The following FGD6 variants were observed in gnomAD, a reference collection of about 807,000 sequenced individuals.
FGD6 encodes the protein FYVE, RhoGEF and PH domain-containing protein 6.
FGD6 carries 90 observed loss-of-function variants against 149.4 expected under a neutral mutation model. That is an observed-to-expected ratio of 0.60 (90% CI 0.51 to 0.72). FGD6 has a LOEUF of 0.72. FGD6 is among the 30% of genes least tolerant of loss of function. The probability of loss-of-function intolerance (pLI) is 0.00; values close to 1 mark genes in which losing one functional copy is unlikely to be tolerated. For missense variants in FGD6, 1,437 were observed against 1,684.8 expected (o/e 0.85, Z 2.57); for synonymous variants, 527 against 584.0 (o/e 0.90, Z 1.41).
At chr12:95,104,151 C>A (rs1878533666) in intron 14 of FGD6, among the ~76,000 whole-genome samples, 1 of 152,182 alleles carries the variant, frequency 6.6e-6, no homozygotes, top group Non-Finnish European at 1.5e-5. Context: ...GTTGCCTCTG[C>A]TCTCAGCCAC....
chr12:95,137,416 ACTTTTT>A, intron 7 of FGD6, 100 bp downstream of exon 7: 2 of 1,023,976 alleles, frequency 2.0e-6, no homozygotes, highest in South Asian at 5.5e-5. Context: ...TTACTTTTTA[ACTTTTT>A]CTTTGTTTGC....
chr12:95,172,809 C>G, intron 2 of FGD6, 65 bp from the exon 3 acceptor site: 5 of 1,305,022 alleles, frequency 3.8e-6, no homozygotes, highest in Non-Finnish European at 5.2e-6. Flanking sequence ...AAAACAAAAA[C>G]CAAATCAACA....
intron 14 of FGD6, among the ~76,000 whole-genome samples, chr12:95,096,638 A>G (rs540943768): frequency 6.6e-6 from 1 of 152,282 alleles, no homozygotes; most frequent in Non-Finnish European, 1.5e-5. Context: ...TGGAATACAC[A>G]TTGGATCTTA....
chr12:95,086,536 C>CTTTTTTTTTTTTTTTTTT (rs1010739533), intron 18 of FGD6, among the ~76,000 whole-genome samples: 16 of 105,732 alleles, frequency 1.5e-4, no homozygotes, highest in Non-Finnish European at 2.8e-4. Flanking sequence ...TTTTTTTTTT[C>CTTTTTTTTTTTTTTTTTT]TTTTTTTTTT....
chr12:95,194,903 C>T (rs975487790), intron 2 of FGD6, among the ~76,000 whole-genome samples: 3 of 152,086 alleles, frequency 2.0e-5, no homozygotes, highest in Non-Finnish European at 2.9e-5. Flanking sequence ...ACAGTTATAT[C>T]GATAAACATT....
chr12:95,125,261 A>T (rs1432573955), intron 8 of FGD6, among the ~76,000 whole-genome samples: 1 of 152,160 alleles, frequency 6.6e-6, no homozygotes, highest in Non-Finnish European at 1.5e-5. Flanking sequence ...GCTACCCTTG[A>T]TCTTAGCCAA....
chr12:95,114,535 CA>C (rs1196338300), intron 8 of FGD6, among the ~76,000 whole-genome samples: 26 of 135,698 alleles, frequency 1.9e-4, no homozygotes, highest in Non-Finnish European at 2.1e-4. Flanking sequence ...AGCCCTGCAA[CA>C]AAAAAAAAAA....
intron 9 of FGD6, among the ~76,000 whole-genome samples, chr12:95,111,361 T>G (rs1878817803): frequency 6.6e-6 from 1 of 152,232 alleles, no homozygotes; most frequent in Admixed American, 6.5e-5. Flanking sequence ...ATGTCTTTGC[T>G]GTCACATGTA....
At chr12:95,173,690 G>T (rs906207531) in intron 2 of FGD6, among the ~76,000 whole-genome samples, 3 of 152,030 alleles carry the variant, frequency 2.0e-5, no homozygotes, top group Admixed American at 1.3e-4. Flanking sequence ...CTTTTCTGTC[G>T]TAAGTCTACA....
intron 3 of FGD6, 36 bp downstream of exon 3, chr12:95,172,564 G>A (rs199519686): frequency 3.7e-5 from 56 of 1,515,630 alleles, no homozygotes; most frequent in Non-Finnish European, 4.6e-5. Flanking sequence ...CCAAGCATAG[G>A]GAGAGGTCAA....
intron 5 of FGD6, among the ~76,000 whole-genome samples, chr12:95,149,797 TATA>T (rs201184454): frequency 0.093 from 13,584 of 145,882 alleles, 836 homozygotes; most frequent in African/African-American, 0.17. Context: ...TTATATGATA[TATA>T]ATACTATATA....
chr12:95,141,678 C>T, intron 5 of FGD6, 139 bp from the exon 6 acceptor site: 2 of 887,602 alleles, frequency 2.3e-6, no homozygotes, highest in Non-Finnish European at 3.3e-6. Flanking sequence ...ATCTAAAGTA[C>T]CCCCTTCCTC....
At chr12:95,214,861 C>CTTT (rs1171146305) in intron 1 of FGD6, among the ~76,000 whole-genome samples, 25 of 129,216 alleles carry the variant, frequency 1.9e-4, no homozygotes, top group Non-Finnish European at 2.6e-4. Context: ...CTCCTTTTTT[C>CTTT]TTTTTTTTTT....
At chr12:95,170,608 C>T (rs181183536) in intron 3 of FGD6, among the ~76,000 whole-genome samples, 29 of 152,338 alleles carry the variant, frequency 1.9e-4, no homozygotes, top group African/African-American at 6.7e-4. Flanking sequence ...CGCCATTGTA[C>T]TCCAGCCTGG....
At chr12:95,198,671 C>T (rs1014364323) in intron 2 of FGD6, among the ~76,000 whole-genome samples, 3 of 152,278 alleles carry the variant, frequency 2.0e-5, no homozygotes, top group East Asian at 1.9e-4. Flanking sequence ...GATCTGACCT[C>T]GAGATCCACC....
At chr12:95,129,517 C>T (rs1879455901) in intron 8 of FGD6, among the ~76,000 whole-genome samples, 1 of 152,152 alleles carries the variant, frequency 6.6e-6, no homozygotes, top group Non-Finnish European at 1.5e-5. Context: ...ATGGTCTCTA[C>T]CCGGAAGAGA....
At chr12:95,094,044 A>G (rs1390549586) in intron 15 of FGD6, among the ~76,000 whole-genome samples, 1 of 151,730 alleles carries the variant, frequency 6.6e-6, no homozygotes, top group East Asian at 1.9e-4. Flanking sequence ...CTGTAATCCC[A>G]GCTGCTAGGG....
intron 5 of FGD6, among the ~76,000 whole-genome samples, chr12:95,149,586 A>T (rs1281727612): frequency 7.1e-6 from 1 of 141,388 alleles, no homozygotes; most frequent in African/African-American, 2.6e-5. Flanking sequence ...TTGAGCCTAG[A>T]AGTTCAAAAC....
chr12:95,144,821 T>A (rs536631012), intron 5 of FGD6, among the ~76,000 whole-genome samples: 1 of 151,514 alleles, frequency 6.6e-6, no homozygotes, highest in Admixed American at 6.6e-5. Context: ...CCCAAGTAGC[T>A]GGGATTACAG....
Sources: gnomAD v4.1 joint callset for allele counts (sites outside exome capture counted in the v4.1 genomes callset) on GRCh38, gnomAD v4.1.1 for gene constraint, MANE v1.5 for transcripts, NCBI Gene and HGNC (gene_info 2026-07-23, HGNC 2026-07-21) for gene names.